The following AZIN2 variants were observed in gnomAD, a reference collection of about 807,000 sequenced individuals.
The protein encoded by AZIN2 is ODC antizyme inhibitor-2.
Under a neutral mutation model 47.8 loss-of-function variants are expected in AZIN2, and 28 were observed. That is an observed-to-expected ratio of 0.59 (90% CI 0.43 to 0.80). AZIN2 has a LOEUF of 0.80. Among genes scored for constraint, AZIN2 ranks in the 30% least tolerant of loss-of-function variants. The pLI is 0.00. For synonymous variants in AZIN2, 221 were observed against 239.4 expected (o/e 0.92, Z 0.71); for missense variants, 535 against 582.5 (o/e 0.92, Z 0.84).
intron 5 of AZIN2, among the ~76,000 whole-genome samples, chr1:33,087,431 C>CGG: frequency 6.7e-6 from 1 of 149,730 alleles, no homozygotes; most frequent in Admixed American, 6.7e-5. Context: ...CTGCACCCAG[C>CGG]CATATATATA....
At position 33,121,527 on chromosome 1, in the gene AZIN2, G is replaced by C. The variant is rs1181827179; in HGVS notation, c.*1345G>C. Among the ~76,000 whole-genome samples, 2 of 152,148 alleles carry C rather than the reference G, an allele frequency of 1.3e-5. No individual in the cohort carries two copies. The highest frequency in any genetic ancestry group is 2.9e-5 in the Non-Finnish European group (2 of 68,034). On this transcript the variant is annotated 3_prime_UTR_variant, in exon 12 of 12. Coordinates refer to ENST00000294517, the MANE Select transcript of AZIN2 (RefSeq NM_052998.4). ...CAGTGAGCCGAGGTTGCAGTGAGCC[G>C]AGATTGCACCACTGCACTCCAGCCT...
the AZIN2 span, among the ~76,000 whole-genome samples, chr1:33,153,667 G>A: frequency 1.3e-5 from 2 of 152,126 alleles, no homozygotes; most frequent in African/African-American, 2.4e-5. Context: ...GAGTTGAGAA[G>A]GGAACACTAG....
chr1:33,162,814 A>G, the AZIN2 span: 1 of 152,320 alleles, frequency 6.6e-6, no homozygotes, highest in African/African-American at 2.4e-5. Flanking sequence ...CTACAAAGCC[A>G]TAGCTCTTGC....
the AZIN2 span, among the ~76,000 whole-genome samples, chr1:33,135,094 T>C: frequency 1.3e-5 from 2 of 152,200 alleles, no homozygotes; most frequent in Non-Finnish European, 2.9e-5. Context: ...AAGACCAGCC[T>C]GGCCAACATG....
At chr1:33,114,806 C>G (rs1644463947) in intron 10 of AZIN2, among the ~76,000 whole-genome samples, 1 of 151,740 alleles carries the variant, frequency 6.6e-6, no homozygotes, top group African/African-American at 2.4e-5. Context: ...ACACGCCCAG[C>G]TAATTTTTGT....
chr1:33,084,239 C>A, intron 5 of AZIN2, 112 bp downstream of exon 5: 2 of 1,332,332 alleles, frequency 1.5e-6, no homozygotes, highest in Non-Finnish European at 2.1e-6. Context: ...TTGGTCCTTG[C>A]CCTCTGGGAA....
At chr1:33,147,682 AGGCGCTGGTGGGCTGTGCCCG>A in the AZIN2 span, 2 of 1,613,678 alleles carry the variant, frequency 1.2e-6, no homozygotes, top group Non-Finnish European at 1.7e-6. The surrounding 1 kb of genome is among the most constrained non-coding windows in gnomAD (Gnocchi z 8.1). Flanking sequence ...CGACAGGATC[AGGCGCTGGTGGGCTGTGCCCG>A]GGTCCAGGGT....
rs962343286 is a variant in AZIN2, at chr1:33,122,336, T to A, written c.*2154T>A. ...GACAGTGGCTGTCATGGAGTTTGGA[T>A]GGATTTCTCACTGGAGCCTTTCTAG... is the stretch of plus-strand genomic sequence containing the variant. On this transcript the variant is annotated 3_prime_UTR_variant, in exon 12 of 12. Transcript: ENST00000294517. Among the ~76,000 whole-genome samples the A allele has an allele frequency of 2.0e-5, 3 of 152,210 alleles. No homozygotes were observed. The highest frequency in any genetic ancestry group is 2.9e-5 in the Non-Finnish European group (2 of 68,036).
At chr1:33,108,207 A>G (rs1067146) in intron 10 of AZIN2, among the ~76,000 whole-genome samples, 48,331 of 152,090 alleles carry the variant, frequency 0.32, 8,028 homozygotes, top group African/African-American at 0.41. Context: ...CAACAAACGT[A>G]CCAAGGACAC....
At chr1:33,165,655 C>A in the AZIN2 span, 2 of 1,184,780 alleles carry the variant, frequency 1.7e-6, no homozygotes, top group East Asian at 2.9e-5. The surrounding 1 kb of genome is among the most constrained non-coding windows in gnomAD (Gnocchi z 4.0). Context: ...TGGGGGTTAG[C>A]CTGGTCTCTG....
chr1:33,160,492 C>A, the AZIN2 span, among the ~76,000 whole-genome samples: 1 of 152,068 alleles, frequency 6.6e-6, no homozygotes, highest in African/African-American at 2.4e-5. Context: ...GCAACCTCCA[C>A]CTCCTGGGTT....
chr1:33,161,207 T>C, the AZIN2 span, among the ~76,000 whole-genome samples: 2 of 152,214 alleles, frequency 1.3e-5, no homozygotes, highest in African/African-American at 2.4e-5. This position sits in a 1 kb window ranked among gnomAD's most constrained non-coding sequence, Gnocchi z 4.3. Context: ...TAATAAGCGT[T>C]TCCCGGAAGT....
intron 10 of AZIN2, among the ~76,000 whole-genome samples, chr1:33,100,204 G>A (rs1014413117): frequency 4.0e-5 from 6 of 151,894 alleles, no homozygotes; most frequent in South Asian, 4.2e-4. Flanking sequence ...GCCTGTGATC[G>A]CAGCTACTTG....
Position 33,120,086 on chromosome 1 carries a change from T to C in AZIN2, c.1287T>C (p.Asp429=), listed in dbSNP as rs151226113. The C allele has an allele frequency of 1.9e-4, 306 of 1,614,026 alleles. 2 individuals are homozygous for C. The African/African-American group carries it at 3.1e-3, about 16-fold the overall frequency. The change falls in exon 12 of 12, where the codon GAT becomes GAC. Residue 429 remains aspartate, a synonymous_variant. Transcript: ENST00000294517. ...AGCTGATGGCTGCAGAACAGGAGGATGACGTGGAGGGTGTGTGCAAGCCTC... is the reference window on the plus strand; with the variant it reads ...AGCTGATGGCTGCAGAACAGGAGGACGACGTGGAGGGTGTGTGCAAGCCTC... The part of the protein sequence containing the change: ...RRQLMAAEQE[D]DVEGVCKPLS...
At chr1:33,141,568 C>T in the AZIN2 span, among the ~76,000 whole-genome samples, 1 of 152,206 alleles carries the variant, frequency 6.6e-6, no homozygotes, top group South Asian at 2.1e-4. Context: ...GCCTCTGATG[C>T]CAGCTTCCTG....
At chr1:33,095,784 A>C (rs1432321031) in intron 8 of AZIN2, among the ~76,000 whole-genome samples, 1 of 152,224 alleles carries the variant, frequency 6.6e-6, no homozygotes, top group African/African-American at 2.4e-5. Context: ...ATTAACAGAT[A>C]TTTTATGTGT....
chr1:33,131,984 G>C, the AZIN2 span, among the ~76,000 whole-genome samples: 1 of 152,180 alleles, frequency 6.6e-6, no homozygotes, highest in Non-Finnish European at 1.5e-5. Context: ...GGTTGATTGA[G>C]CAGTCTGGGC....
At chr1:33,147,802 G>A in the AZIN2 span, 9 of 1,525,924 alleles carry the variant, frequency 5.9e-6, no homozygotes, top group Non-Finnish European at 7.1e-6. This position sits in a 1 kb window ranked among gnomAD's most constrained non-coding sequence, Gnocchi z 8.1. Flanking sequence ...CCTTCCTGAG[G>A]GCAGAGTTCT....
At chr1:33,141,181 C>T in the AZIN2 span, among the ~76,000 whole-genome samples, 2 of 152,010 alleles carry the variant, frequency 1.3e-5, no homozygotes, top group East Asian at 3.9e-4. Context: ...CTTCTCCTCT[C>T]GGAGGAGCTG....
Sources: allele counts gnomAD v4.1 joint callset (sites outside exome capture counted in the v4.1 genomes callset), GRCh38; gene constraint gnomAD v4.1.1; non-coding constraint Gnocchi (gnomAD v3.1); transcripts MANE v1.5; gene names NCBI Gene and HGNC (gene_info 2026-07-23, HGNC 2026-07-21).